Variants in DOCK8 observed in about 807,000 individuals in gnomAD.
DOCK8 encodes the protein dedicator of cytokinesis 8.
Under a neutral mutation model 245.6 loss-of-function variants are expected in DOCK8, and 141 were observed. That is an observed-to-expected ratio of 0.57 (90% CI 0.50 to 0.66). DOCK8 has a LOEUF of 0.66. DOCK8 is among the 30% of genes least tolerant of loss of function. The probability of loss-of-function intolerance (pLI) is 0.00; values close to 1 mark genes in which losing one functional copy is unlikely to be tolerated. For missense variants in DOCK8, 2,965 were observed against 2,603.4 expected (o/e 1.14, Z -3.02); for synonymous variants, 1,168 against 970.2 (o/e 1.20, Z -3.79).
rs141134256 is a variant in DOCK8, at chr9:215,060, G to T, written c.53+31G>T. On this transcript the variant is annotated intron_variant, in intron 1 of 47. Transcript: ENST00000432829. ...ACGCCCCCCGCGGCGCGCAGGTTGC[G>T]GCCGGACAGCCCAGCGCTGGTGTGA... 39,469 of 1,552,620 alleles carry T rather than the reference G, an allele frequency of 0.025. 634 individuals carry two copies. The highest frequency in any genetic ancestry group is 0.062 in the Middle Eastern group (347 of 5,578).
intron 24 of DOCK8, 150 bp downstream of exon 24, chr9:390,716 C>T (rs2054154003): frequency 1.3e-6 from 1 of 748,942 alleles, no homozygotes; most frequent in East Asian, 2.7e-5. Context: ...TCCCATCCTT[C>T]TTCCACTAAA....
In DOCK8 at chr9:312,109, G is replaced by T. The variant is rs780415145; in HGVS notation, c.684G>T (p.Glu228Asp). The T allele has an allele frequency of 5.0e-6, 8 of 1,614,118 alleles. No individual in the cohort carries two copies. In the East Asian group the frequency reaches 1.6e-4, roughly 31 times the overall value. ...SAEDFEKQNEEARRTNRQAEL... is the reference protein window; with the variant it reads ...SAEDFEKQNEDARRTNRQAEL... Reference sequence around the variant, plus strand: ...AGGACTTTGAGAAGCAGAACGAGGAGGCCCGGAGGACCAATAGGCAGGCCG... The same window carrying T: ...AGGACTTTGAGAAGCAGAACGAGGATGCCCGGAGGACCAATAGGCAGGCCG... The change falls in exon 6 of 48, where the codon GAG becomes GAT. Residue 228 changes from glutamate to aspartate, a missense_variant. Physicochemically the swap from Glu to Asp is conservative, Grantham distance 45. Coordinates refer to ENST00000432829, the MANE Select transcript of DOCK8 (RefSeq NM_203447.4).
At chr9:424,399 C>T (rs1214998396) in intron 33 of DOCK8, among the ~76,000 whole-genome samples, 1 of 151,788 alleles carries the variant, frequency 6.6e-6, no homozygotes, top group Non-Finnish European at 1.5e-5. Context: ...GTAAGCTTTT[C>T]TTTTCTTTTT....
At chr9:240,211 G>T (rs191223128) in intron 1 of DOCK8, among the ~76,000 whole-genome samples, 4 of 152,232 alleles carry the variant, frequency 2.6e-5, no homozygotes, top group East Asian at 1.9e-4. Flanking sequence ...AAAGTAGTTT[G>T]TATTCAAATA....
Position 428,357 on chromosome 9 carries a change from C to A in DOCK8, c.4339-5C>A, listed in dbSNP as rs2056576884. On this transcript the variant is annotated splice_region_variant and splice_polypyrimidine_tract_variant and intron_variant, in intron 34 of 47. Coordinates refer to ENST00000432829, the MANE Select transcript of DOCK8 (RefSeq NM_203447.4). ...TTCAATGATGCTGTTCTTCCATTCC[C>A]CCAGGCGAGCTCGGCTCTGGACTGT... is the stretch of plus-strand genomic sequence containing the variant. 6.2e-7 allele frequency: 1 copy of A among 1,613,974 alleles called. No homozygotes were observed. Among genetic ancestry groups the A allele is most frequent in the Admixed American group, 1.7e-5 (1 of 59,992 alleles).
At chr9:332,241 C>G (rs953662055) in intron 9 of DOCK8, among the ~76,000 whole-genome samples, 157 bp from the exon 10 acceptor site, 17 of 151,906 alleles carry the variant, frequency 1.1e-4, no homozygotes, top group African/African-American at 3.9e-4. Flanking sequence ...AAATTGTATG[C>G]TATTCTTTAT....
intron 20 of DOCK8, 145 bp downstream of exon 20, chr9:377,356 T>C (rs547750962): frequency 6.6e-4 from 455 of 687,480 alleles, no homozygotes; most frequent in Non-Finnish European, 7.5e-4. Flanking sequence ...CCAAGTCTTA[T>C]GCTATTTTTT....
intron 44 of DOCK8, among the ~76,000 whole-genome samples, chr9:447,641 C>T (rs4741952): frequency 0.59 from 90,078 of 151,656 alleles, 29,675 homozygotes; most frequent in East Asian, 0.99. Flanking sequence ...TTTCTTTCCA[C>T]ACCCATGGTT....
intron 28 of DOCK8, among the ~76,000 whole-genome samples, chr9:410,856 A>T (rs2055688354): frequency 6.6e-6 from 1 of 152,256 alleles, no homozygotes; most frequent in African/African-American, 2.4e-5. Context: ...AAGAAGACTC[A>T]ATTACTAAAA....
intron 1 of DOCK8, among the ~76,000 whole-genome samples, chr9:266,477 A>G (rs1285104638): frequency 6.6e-6 from 1 of 152,200 alleles, no homozygotes; most frequent in Non-Finnish European, 1.5e-5. Context: ...TTGCTGACTT[A>G]AAATACAGTT....
At chr9:389,761 A>G (rs1306903384) in intron 23 of DOCK8, among the ~76,000 whole-genome samples, 1 of 152,184 alleles carries the variant, frequency 6.6e-6, no homozygotes, top group Non-Finnish European at 1.5e-5. Context: ...CACACCCGTA[A>G]TCCCAGCACT....
intron 2 of DOCK8, among the ~76,000 whole-genome samples, chr9:275,781 G>A (rs991322484): frequency 6.6e-6 from 1 of 152,032 alleles, no homozygotes; most frequent in Non-Finnish European, 1.5e-5. Flanking sequence ...TAGAGACAGG[G>A]TTTCACCATG....
upstream of DOCK8, chr9:213,335 G>A (rs1389121431): frequency 6.6e-6 from 1 of 152,070 alleles, no homozygotes; most frequent in Non-Finnish European, 1.5e-5. Flanking sequence ...GTCCTTAGGT[G>A]GATTTTAGTA....
chr9:382,786 A>C, intron 22 of DOCK8, 101 bp downstream of exon 22: 2 of 1,466,154 alleles, frequency 1.4e-6, no homozygotes, highest in Non-Finnish European at 1.9e-6. Flanking sequence ...GCTGCCCACC[A>C]TGCTGGTCGG....
At chr9:374,309 G>A (rs2053424922) in intron 18 of DOCK8, among the ~76,000 whole-genome samples, 1 of 152,100 alleles carries the variant, frequency 6.6e-6, no homozygotes, top group Non-Finnish European at 1.5e-5. Context: ...TGTGCTATAA[G>A]TAAAATATGC....
chr9:396,615 G>A (rs2054469011), intron 24 of DOCK8, among the ~76,000 whole-genome samples, 170 bp from the exon 25 acceptor site: 1 of 152,150 alleles, frequency 6.6e-6, no homozygotes, highest in African/African-American at 2.4e-5. Context: ...GGTAACCATT[G>A]GTGTGTCTGC....
At chr9:400,084 A>ATT (rs2054731440) in intron 26 of DOCK8, among the ~76,000 whole-genome samples, 1 of 107,654 alleles carries the variant, frequency 9.3e-6, no homozygotes, top group African/African-American at 4.4e-5. Flanking sequence ...CATCACCACC[A>ATT]CCTCCACCAT....
chr9:258,935 A>G (rs1407172693), intron 1 of DOCK8, among the ~76,000 whole-genome samples: 1 of 152,106 alleles, frequency 6.6e-6, no homozygotes, highest in African/African-American at 2.4e-5. Context: ...AATAGTTTAA[A>G]AAGCTGTATG....
At chr9:435,020 G>A (rs1379541714) in intron 39 of DOCK8, 45 bp downstream of exon 39, 1 of 1,604,318 alleles carries the variant, frequency 6.2e-7, no homozygotes, top group African/African-American at 1.3e-5. Flanking sequence ...GTTCTCAACT[G>A]GGGCGATTTT....
Sources: gnomAD v4.1 joint callset for allele counts (sites outside exome capture counted in the v4.1 genomes callset) on GRCh38, gnomAD v4.1.1 for gene constraint, MANE v1.5 for transcripts, NCBI Gene and HGNC (gene_info 2026-07-23, HGNC 2026-07-21) for gene names.